The following LIMCH1 variants were observed in gnomAD, a reference collection of about 807,000 sequenced individuals.
LIMCH1 encodes the protein LIM and calponin homology domains 1.
LIMCH1 carries 113 observed loss-of-function variants against 176.5 expected under a neutral mutation model. The ratio of observed to expected loss-of-function variants is 0.64; its 90% CI spans 0.55 to 0.75. The LOEUF is 0.75. Ranked by LOEUF, LIMCH1 falls within the 30% of genes least tolerant of loss-of-function variation. LIMCH1 has a pLI of 0.00. For missense variants in LIMCH1, 1,674 were observed against 1,814.9 expected (o/e 0.92, Z 1.41); for synonymous variants, 619 against 645.9 (o/e 0.96, Z 0.63).
chr4:41,603,255 A>C (rs546409049), intron 2 of LIMCH1, among the ~76,000 whole-genome samples: 1 of 151,758 alleles, frequency 6.6e-6, no homozygotes, highest in South Asian at 2.1e-4. Flanking sequence ...CATTGTATGA[A>C]TATTTCGAAG....
intron 1 of LIMCH1, among the ~76,000 whole-genome samples, chr4:41,550,724 T>G (rs1298166733): frequency 6.6e-6 from 1 of 152,154 alleles, no homozygotes; most frequent in East Asian, 1.9e-4. Context: ...TGTTCCTGAG[T>G]AGAAATGCAA....
intron 1 of LIMCH1, among the ~76,000 whole-genome samples, chr4:41,383,378 C>T (rs1456342928): frequency 2.0e-5 from 3 of 152,040 alleles, no homozygotes; most frequent in Admixed American, 2.0e-4. Context: ...GGACAGACAG[C>T]CTGGAATGTG....
At chr4:41,679,586 A>G (rs1713959198) in intron 23 of LIMCH1, among the ~76,000 whole-genome samples, 1 of 152,194 alleles carries the variant, frequency 6.6e-6, no homozygotes, top group Admixed American at 6.5e-5. Flanking sequence ...TTGTGTGTCT[A>G]ATAAACCTTC....
At chr4:41,465,407 A>C (rs1454428027) in intron 1 of LIMCH1, among the ~76,000 whole-genome samples, 1 of 152,146 alleles carries the variant, frequency 6.6e-6, no homozygotes, top group Non-Finnish European at 1.5e-5. Context: ...TGGCCAAATG[A>C]TCTTCAAAGG....
At chr4:41,697,029 G>A (rs1413874477) in intron 31 of LIMCH1, 131 bp from the exon 32 acceptor site, 17 of 834,376 alleles carry the variant, frequency 2.0e-5, no homozygotes, top group Admixed American at 4.0e-5. Context: ...GTAGCAGGAT[G>A]GGAGAAGTTT....
chr4:41,642,431 C>A (rs2093862460), intron 14 of LIMCH1, among the ~76,000 whole-genome samples: 1 of 152,072 alleles, frequency 6.6e-6, no homozygotes, highest in Non-Finnish European at 1.5e-5. Context: ...ACTTTTCTAC[C>A]TAATCCTGCA....
At chr4:41,565,151 G>A (rs1037909042) in intron 1 of LIMCH1, among the ~76,000 whole-genome samples, 1 of 152,122 alleles carries the variant, frequency 6.6e-6, no homozygotes, top group Admixed American at 6.6e-5. Flanking sequence ...AAAGTGATGG[G>A]ACACTGCTGT....
intron 3 of LIMCH1, 21 bp from the exon 4 acceptor site, chr4:41,605,873 C>T: frequency 6.6e-7 from 1 of 1,512,822 alleles, no homozygotes; most frequent in Middle Eastern, 1.7e-4. Context: ...AAAATCTGCT[C>T]TTGTGCGTTT....
At chr4:41,466,525 T>A (rs2066140461) in intron 1 of LIMCH1, among the ~76,000 whole-genome samples, 1 of 152,214 alleles carries the variant, frequency 6.6e-6, no homozygotes, top group Non-Finnish European at 1.5e-5. Flanking sequence ...AATTTATGAC[T>A]ACCAAGGCTT....
intron 1 of LIMCH1, among the ~76,000 whole-genome samples, chr4:41,468,891 A>G (rs1214372893): frequency 6.6e-6 from 1 of 152,094 alleles, no homozygotes; most frequent in African/African-American, 2.4e-5. Context: ...AGAGACCGTT[A>G]TTTTTTAAGA....
intron 21 of LIMCH1, chr4:41,670,669 C>A (rs1019657463): frequency 1.4e-6 from 2 of 1,383,142 alleles, no homozygotes; most frequent in Non-Finnish European, 2.0e-6. Context: ...TCAGTTCTCA[C>A]CCCAGTTTTC....
intron 27 of LIMCH1, among the ~76,000 whole-genome samples, chr4:41,684,815 A>T (rs192034523): frequency 4.5e-4 from 68 of 152,264 alleles, no homozygotes; most frequent in Non-Finnish European, 8.7e-4. Flanking sequence ...CAAATTCCCA[A>T]TTCCACCATT....
intron 9 of LIMCH1, among the ~76,000 whole-genome samples, chr4:41,630,246 A>T (rs981554022): frequency 2.0e-5 from 3 of 152,152 alleles, no homozygotes; most frequent in African/African-American, 7.2e-5. Context: ...GATTACAGGC[A>T]TGAGCCACCG....
chr4:41,426,267 C>T lies in LIMCH1; in HGVS notation c.96+65331C>T, dbSNP rs542308814. 8.6e-5 allele frequency among the ~76,000 whole-genome samples: 13 copies of T among 151,914 alleles called. No individual in the cohort carries two copies. The East Asian group carries it at 2.1e-3, about 25-fold the overall frequency. ...CGATCTCCTGACCTCGTGATCCGCC[C>T]GCCTCGGCCTCCCAAAGTGCTGGGA... is the stretch of plus-strand genomic sequence containing the variant. On this transcript the variant is annotated intron_variant, in intron 1 of 26. Coordinates refer to the LIMCH1 transcript ENST00000313860.
At chr4:41,536,221 A>T (rs993483840), upstream of LIMCH1, among the ~76,000 whole-genome samples, 1 of 152,216 alleles carries the variant, frequency 6.6e-6, no homozygotes, top group Non-Finnish European at 1.5e-5. Flanking sequence ...GGAAAAAAAT[A>T]CCACCAAATG....
At chr4:41,409,634 T>C (rs2059303180) in intron 1 of LIMCH1, among the ~76,000 whole-genome samples, 1 of 152,188 alleles carries the variant, frequency 6.6e-6, no homozygotes, top group African/African-American at 2.4e-5. Flanking sequence ...GGTTGGGTCT[T>C]TATTCAGAAA....
intron 18 of LIMCH1, among the ~76,000 whole-genome samples, chr4:41,654,559 G>C (rs573145743): frequency 2.8e-4 from 43 of 152,292 alleles, no homozygotes; most frequent in Admixed American, 6.5e-5. Context: ...GGTGGAGTAA[G>C]AAAACCAGAG....
At chr4:41,566,966 A>T (rs1157171466) in intron 1 of LIMCH1, among the ~76,000 whole-genome samples, 1 of 152,202 alleles carries the variant, frequency 6.6e-6, no homozygotes, top group Admixed American at 6.5e-5. Context: ...CTTTGATCCC[A>T]ATCAGCAGTG....
At chr4:41,421,450 A>G (rs1004097800) in intron 1 of LIMCH1, among the ~76,000 whole-genome samples, 7 of 152,208 alleles carry the variant, frequency 4.6e-5, no homozygotes, top group African/African-American at 1.7e-4. Context: ...GTTATTGGTT[A>G]TGATTTTAAA....
Sources: gnomAD v4.1 joint callset for allele counts (sites outside exome capture counted in the v4.1 genomes callset) on GRCh38, gnomAD v4.1.1 for gene constraint, MANE v1.5 for transcripts, NCBI Gene and HGNC (gene_info 2026-07-23, HGNC 2026-07-21) for gene names.